The following TMEM14B variants were observed in gnomAD, a reference collection of about 807,000 sequenced individuals.
TMEM14B encodes transmembrane protein 14B.
A neutral mutation model predicts 14.8 loss-of-function variants in TMEM14B; 9 were observed. The ratio of observed to expected loss-of-function variants is 0.61; its 90% CI spans 0.37 to 1.06. TMEM14B has a LOEUF of 1.06. Among genes scored for constraint, TMEM14B ranks in the 50% least tolerant of loss-of-function variants. The pLI is 0.01. For synonymous variants in TMEM14B, 40 were observed against 51.3 expected (o/e 0.78, Z 0.94); for missense variants, 128 against 143.6 (o/e 0.89, Z 0.56).
chr6:10,753,454 C>T (rs1206040758), intron 4 of TMEM14B, among the ~76,000 whole-genome samples: 1 of 152,040 alleles, frequency 6.6e-6, no homozygotes, highest in Non-Finnish European at 1.5e-5. Flanking sequence ...TCCTGGTTTC[C>T]CTTTTTATCC....
In TMEM14B at chr6:10,756,862, G is replaced by A; in HGVS notation, c.*344G>A. On this transcript the variant is annotated 3_prime_UTR_variant, in exon 6 of 6. Transcript: ENST00000379542. ...CATTCCCTGCTCAGAGGAACAGTGT[G>A]AAAAAAAATCTCTTGAGAGATTTAG... 1.0e-6 allele frequency: 1 copy of A among 991,800 alleles called. No homozygotes were observed. The highest frequency in any genetic ancestry group is 1.2e-6 in the Non-Finnish European group (1 of 835,498). The allele number at this position is 991,800 out of a possible 1,614,324, so 61.4% of individuals were successfully genotyped here. A position where few individuals can be genotyped will look rare whatever the true frequency, so the allele number is the denominator to read the frequency against.
upstream of TMEM14B, chr6:10,747,767 C>T (rs972304708): frequency 6.6e-6 from 1 of 152,612 alleles, no homozygotes; most frequent in Admixed American, 6.5e-5. Flanking sequence ...CCGCCTTTCT[C>T]CCCGCCCTGC....
In TMEM14B at chr6:10,755,156, A is replaced by C; in HGVS notation, c.217A>C (p.Thr73Pro). The change falls in exon 5 of 6, where the codon ACT becomes CCT. Residue 73 changes from threonine to proline, a missense_variant. Physicochemically the swap from Thr to Pro is conservative, Grantham distance 38. Coordinates refer to ENST00000379542, the MANE Select transcript of TMEM14B (RefSeq NM_030969.5). Reference sequence around the variant, plus strand: ...ATCTTTTTCAGCCGCTACATCTGTTACTTTTGTTGGTGTTATGGGAATGAG... The same window carrying C: ...ATCTTTTTCAGCCGCTACATCTGTTCCTTTTGTTGGTGTTATGGGAATGAG... Reference protein sequence around the residue: ...VWGFLAATSVTFVGVMGMRSY... With the variant: ...VWGFLAATSVPFVGVMGMRSY... The C allele has an allele frequency of 6.2e-7, 1 of 1,613,876 alleles. No homozygotes were observed.
intron 3 of TMEM14B, 104 bp from the exon 4 acceptor site, chr6:10,751,029 G>A: frequency 7.2e-7 from 1 of 1,383,330 alleles, no homozygotes; most frequent in Non-Finnish European, 1.0e-6. Flanking sequence ...GAGCTGTGTT[G>A]AGAGTTCTTT....
chr6:10,755,495 G>A, intron 5 of TMEM14B: 1 of 1,413,192 alleles, frequency 7.1e-7, no homozygotes, highest in Non-Finnish European at 9.2e-7. Flanking sequence ...TTATTGCAAA[G>A]CTATGACTGC....
intron 4 of TMEM14B, among the ~76,000 whole-genome samples, chr6:10,754,311 A>G (rs547965342): frequency 2.0e-4 from 30 of 152,192 alleles, no homozygotes; most frequent in African/African-American, 7.2e-4. Flanking sequence ...TGAAAACCCA[A>G]TCCTTAGTAT....
chr6:10,749,468 C>G (rs570632304), intron 2 of TMEM14B, among the ~76,000 whole-genome samples, 154 bp from the exon 3 acceptor site: 1 of 152,208 alleles, frequency 6.6e-6, no homozygotes, highest in African/African-American at 2.4e-5. Flanking sequence ...AGAAAGTCAT[C>G]CAACCTCTGT....
chr6:10,754,320 A>G (rs1173414584), intron 4 of TMEM14B, among the ~76,000 whole-genome samples: 4 of 152,138 alleles, frequency 2.6e-5, no homozygotes, highest in Admixed American at 2.0e-4. Context: ...AATCCTTAGT[A>G]TGGCCTTCAA....
chr6:10,757,880 A>G (rs1771859039), downstream of TMEM14B, among the ~76,000 whole-genome samples: 1 of 152,000 alleles, frequency 6.6e-6, no homozygotes, highest in Non-Finnish European at 1.5e-5. Flanking sequence ...AATCCCAGCT[A>G]TTCAGGAGGC....
intron 4 of TMEM14B, chr6:10,753,028 G>T (rs1367896695): frequency 6.6e-6 from 1 of 152,058 alleles, no homozygotes; most frequent in Non-Finnish European, 1.5e-5. Context: ...CTGAGGTCGG[G>T]AGTTGGAGAC....
downstream of TMEM14B, among the ~76,000 whole-genome samples, chr6:10,757,252 C>T (rs114700320): frequency 0.012 from 1,810 of 152,276 alleles, 30 homozygotes; most frequent in African/African-American, 0.042. Context: ...ACTGTAGCCT[C>T]AAACTCTTGG....
rs760061414 is a variant in TMEM14B, at chr6:10,749,676, G to A, written c.78G>A (p.Gly26=). 1.2e-6 allele frequency: 2 copies of A among 1,614,200 alleles called. No homozygotes were observed. Among genetic ancestry groups the A allele is most frequent in the South Asian group, 2.2e-5 (2 of 91,090 alleles). Residue 26 remains glycine (G), a synonymous_variant, in exon 3 of 6, where the codon GGG becomes GGA. Transcript: ENST00000379542. ...FGYTALVVSG[G]IVGYVKTGSV... is the part of the protein sequence containing the mutation. ...ACACAGCACTGGTTGTTTCTGGTGG[G>A]ATCGTTGGCTATGTAAAAACAGGTA...
intron 4 of TMEM14B, 141 bp downstream of exon 4, chr6:10,751,375 A>G (rs1771559306): frequency 3.4e-6 from 3 of 890,784 alleles, no homozygotes; most frequent in Non-Finnish European, 3.4e-6. Flanking sequence ...CCAAGTCCTC[A>G]AAGTTTTAAA....
At chr6:10,756,410 CAT>C in intron 5 of TMEM14B, 55 bp from the exon 6 acceptor site, 1 of 1,596,360 alleles carries the variant, frequency 6.3e-7, no homozygotes, top group Non-Finnish European at 8.6e-7. Flanking sequence ...TCCTTAAAAA[CAT>C]AGTTGCCTGT....
downstream of TMEM14B, chr6:10,759,004 C>A: frequency 4.9e-6 from 1 of 203,614 alleles, no homozygotes; most frequent in East Asian, 1.8e-4. Flanking sequence ...TTGCAACCTC[C>A]ACCTCCCAGG....
chr6:10,756,439 T>C (rs746919481), intron 5 of TMEM14B, 28 bp from the exon 6 acceptor site: 75 of 1,612,654 alleles, frequency 4.7e-5, no homozygotes, highest in Non-Finnish European at 5.9e-5. Context: ...CTTTACCTGA[T>C]GTTTTCTATC....
intron 4 of TMEM14B, 81 bp downstream of exon 4, chr6:10,751,315 G>C: frequency 6.7e-7 from 1 of 1,491,546 alleles, no homozygotes. Context: ...TGGTGGGATG[G>C]AGCGAGTTCT....
chr6:10,749,382 G>C, intron 2 of TMEM14B, 114 bp downstream of exon 2: 8 of 1,368,992 alleles, frequency 5.8e-6, no homozygotes, highest in Non-Finnish European at 8.3e-6. Context: ...GTGCGGGATG[G>C]GAGGATCACT....
chr6:10,754,717 A>G lies in TMEM14B; in HGVS notation c.203-425A>G, dbSNP rs143243749. The stretch of plus-strand genomic sequence containing the variant: ...CAAAGACAGTTACGATTACTTTTGT[A>G]TTCTCCAGCTCCTAGCACAGCGCTT... On this transcript the variant is annotated intron_variant, in intron 4 of 5. Coordinates refer to ENST00000379542, the MANE Select transcript of TMEM14B (RefSeq NM_030969.5). Among the ~76,000 whole-genome samples, 24 of 152,342 alleles carry G rather than the reference A, an allele frequency of 1.6e-4. No homozygotes were observed. In the East Asian group the frequency reaches 3.9e-3, roughly 24 times the overall value.
Sources: gnomAD v4.1 joint callset for allele counts (sites outside exome capture counted in the v4.1 genomes callset) on GRCh38, gnomAD v4.1.1 for gene constraint, MANE v1.5 for transcripts, NCBI Gene and HGNC (gene_info 2026-07-23, HGNC 2026-07-21) for gene names.